The following GNG2 variants were observed in gnomAD, a reference collection of about 807,000 sequenced individuals.
The protein encoded by GNG2 is G protein subunit gamma 2.
In GNG2, 5 loss-of-function variants were observed where a neutral mutation model predicts 5.5. That is an observed-to-expected ratio of 0.91 (90% CI 0.48 to 1.92). GNG2 has a LOEUF of 1.92. GNG2 is among the 30% of genes most tolerant of loss of function. GNG2 has a pLI of 0.01. For synonymous variants in GNG2, 28 were observed against 32.0 expected (o/e 0.88, Z 0.42); for missense variants, 55 against 88.4 (o/e 0.62, Z 1.52).
At chr14:51,933,587 A>T (rs1887785722) in intron 2 of GNG2, among the ~76,000 whole-genome samples, 1 of 152,198 alleles carries the variant, frequency 6.6e-6, no homozygotes, top group Non-Finnish European at 1.5e-5. Context: ...AGACAAAATT[A>T]ATGATGCCAG....
At chr14:51,940,679 G>A (rs1318612303) in intron 2 of GNG2, among the ~76,000 whole-genome samples, 5 of 152,196 alleles carry the variant, frequency 3.3e-5, no homozygotes, top group Admixed American at 6.5e-5. Context: ...AGAGTTGAGA[G>A]AAAAGCAGTA....
chr14:51,923,300 A>C (rs560284995), intron 2 of GNG2, among the ~76,000 whole-genome samples: 1 of 152,154 alleles, frequency 6.6e-6, no homozygotes, highest in Non-Finnish European at 1.5e-5. Context: ...TTAGAATTAC[A>C]TAGGGATAAG....
At chr14:51,850,325 C>T (rs1237406374) in intron 2 of GNG2, among the ~76,000 whole-genome samples, 1 of 152,116 alleles carries the variant, frequency 6.6e-6, no homozygotes, top group Admixed American at 6.5e-5. Context: ...TTTGAGTTCT[C>T]TTTGCGGCAA....
At chr14:51,874,978 C>T (rs965796457) in intron 1 of GNG2, among the ~76,000 whole-genome samples, 25 of 151,928 alleles carry the variant, frequency 1.6e-4, no homozygotes, top group African/African-American at 6.0e-4. Flanking sequence ...GTAATTCATA[C>T]TGATTATTGA....
intron 2 of GNG2, among the ~76,000 whole-genome samples, chr14:51,914,568 G>A (rs1019519209): frequency 8.5e-5 from 13 of 152,144 alleles, no homozygotes; most frequent in African/African-American, 3.1e-4. Context: ...GACCACATGA[G>A]TAATGTGCTT....
At chr14:51,874,734 CAA>C (rs539123057) in intron 1 of GNG2, among the ~76,000 whole-genome samples, 1 of 135,308 alleles carries the variant, frequency 7.4e-6, no homozygotes, top group African/African-American at 2.7e-5. Flanking sequence ...GACTCTGTCT[CAA>C]AAAAAAAAAA....
intron 1 of GNG2, 64 bp from the exon 2 acceptor site, chr14:51,877,553 G>T (rs923555306): frequency 2.2e-6 from 1 of 450,716 alleles, no homozygotes; most frequent in East Asian, 7.0e-5. Flanking sequence ...TACTTATCCA[G>T]CTCTTGTGTA....
In GNG2 at chr14:51,960,533, A is replaced by G. The variant is rs569023950; in HGVS notation, c.88-6026A>G. ...ATTTGTGCCTTTTTATATCTTCTGT[A>G]TGTCTTTTTATCTTGTGTTGATTTA... On this transcript the variant is annotated intron_variant, in intron 3 of 3. Coordinates refer to ENST00000556766, the MANE Select transcript of GNG2 (RefSeq NM_053064.5). Among the ~76,000 whole-genome samples the G allele has an allele frequency of 5.0e-5, 7 of 140,318 alleles. No individual in the cohort carries two copies. The East Asian group carries it at 9.9e-4, about 20-fold the overall frequency. 92.1% of individuals were successfully genotyped at this position (140,318 alleles called of 152,430 possible). A position where few individuals can be genotyped will look rare whatever the true frequency, so the allele number is the denominator to read the frequency against.
chr14:51,918,888 G>A (rs781108258), intron 2 of GNG2, among the ~76,000 whole-genome samples: 6 of 152,248 alleles, frequency 3.9e-5, no homozygotes, highest in Admixed American at 6.5e-5. Context: ...ACAGTGGTAC[G>A]ATCTCAGCTC....
Position 51,863,896 on chromosome 14 carries a change from T to G in GNG2, c.-71+3106T>G, listed in dbSNP as rs372032338. Among the ~76,000 whole-genome samples the G allele has an allele frequency of 2.2e-4, 33 of 152,354 alleles. No homozygotes were observed. In the East Asian group the frequency reaches 4.6e-3, roughly 21 times the overall value. On this transcript the variant is annotated intron_variant, in intron 1 of 3. Transcript: ENST00000556766. ...GCTGAATAATATTCCATTGAATGTA[T>G]AGACTATACTTTGTTTATTCTCTTT...
chr14:51,883,014 AAAAAAAAAGAAAAAAAAAAAG>A (rs1884198243), intron 2 of GNG2, among the ~76,000 whole-genome samples: 1 of 151,266 alleles, frequency 6.6e-6, no homozygotes, highest in Non-Finnish European at 1.5e-5. Context: ...CATCTCAAAA[AAAAAAAAAGAAAAAAAAAAAG>A]AAAAAAAAGA....
intron 3 of GNG2, among the ~76,000 whole-genome samples, chr14:51,955,297 C>G (rs576161194): frequency 6.6e-6 from 1 of 152,274 alleles, no homozygotes; most frequent in African/African-American, 2.4e-5. Context: ...GAATACCCTT[C>G]CCTCTTATTT....
intron 3 of GNG2, among the ~76,000 whole-genome samples, chr14:51,961,284 A>G (rs1889599639): frequency 6.6e-6 from 1 of 152,214 alleles, no homozygotes; most frequent in Admixed American, 6.5e-5. Flanking sequence ...CTACAGGGAC[A>G]AGCATCTTTG....
intron 2 of GNG2, among the ~76,000 whole-genome samples, chr14:51,921,296 A>G (rs1887002060): frequency 6.6e-6 from 1 of 152,216 alleles, no homozygotes; most frequent in South Asian, 2.1e-4. Flanking sequence ...TTAATCTAGT[A>G]AAGTACTTAG....
chr14:51,940,423 T>C (rs2173147), intron 2 of GNG2: 48,377 of 152,102 alleles, frequency 0.32, 8,570 homozygotes, highest in Non-Finnish European at 0.39. Flanking sequence ...AGCTAGTCCA[T>C]GCCTGTTGGT....
At chr14:51,906,530 A>C (rs1438169715) in intron 2 of GNG2, among the ~76,000 whole-genome samples, 3 of 152,186 alleles carry the variant, frequency 2.0e-5, no homozygotes, top group African/African-American at 4.8e-5. Context: ...AATAATTCCC[A>C]ACACTTTGAA....
At chr14:51,958,437 G>A (rs564735220) in intron 3 of GNG2, among the ~76,000 whole-genome samples, 496 of 46,856 alleles carry the variant, frequency 0.011, 6 homozygotes, top group South Asian at 0.072. Flanking sequence ...TCTCTCTTCC[G>A]TTCCCCCCCC....
At chr14:51,941,309 C>G (rs1414941227) in intron 2 of GNG2, among the ~76,000 whole-genome samples, 1 of 152,122 alleles carries the variant, frequency 6.6e-6, no homozygotes, top group Non-Finnish European at 1.5e-5. Flanking sequence ...AATTCAAAAG[C>G]AACTTATAAA....
At chr14:51,829,907 A>G (rs1881136752) in intron 2 of GNG2, among the ~76,000 whole-genome samples, 1 of 148,034 alleles carries the variant, frequency 6.8e-6, no homozygotes, top group Admixed American at 6.8e-5. Context: ...CAGTGGCACG[A>G]TCTCAGCTCC....
Sources: gnomAD v4.1 joint callset for allele counts (sites outside exome capture counted in the v4.1 genomes callset) on GRCh38, gnomAD v4.1.1 for gene constraint, MANE v1.5 for transcripts, NCBI Gene and HGNC (gene_info 2026-07-23, HGNC 2026-07-21) for gene names.